TRABD2B: variants seen among roughly 807,000 people sequenced by gnomAD.
TRABD2B encodes metalloprotease TIKI2.
A neutral mutation model predicts 40.1 loss-of-function variants in TRABD2B; 14 were observed. The observed-to-expected ratio is 0.35, with a 90% CI of 0.23 to 0.55. The LOEUF (loss-of-function observed/expected upper bound fraction) is 0.55. Ranked by LOEUF, TRABD2B falls within the 20% of genes least tolerant of loss-of-function variation. The probability of loss-of-function intolerance (pLI) is 0.90; values close to 1 mark genes in which losing one functional copy is unlikely to be tolerated. For synonymous variants in TRABD2B, 263 were observed against 277.0 expected (o/e 0.95, Z 0.50); for missense variants, 541 against 648.6 (o/e 0.83, Z 1.80).
chr1:47,879,859 T>C (rs1332071674), intron 2 of TRABD2B, among the ~76,000 whole-genome samples: 1 of 152,230 alleles, frequency 6.6e-6, no homozygotes, highest in Non-Finnish European at 1.5e-5. Context: ...GGCTGAGATG[T>C]AGACAGGGAG....
At chr1:47,904,929 C>A (rs1644655875) in intron 2 of TRABD2B, among the ~76,000 whole-genome samples, 1 of 152,294 alleles carries the variant, frequency 6.6e-6, no homozygotes, top group South Asian at 2.1e-4. Flanking sequence ...GTATGCCTCC[C>A]TAAAAATTAA....
At chr1:47,791,813 A>C (rs6675571) in intron 4 of TRABD2B, among the ~76,000 whole-genome samples, 104,126 of 152,126 alleles carry the variant, frequency 0.68, 36,236 homozygotes, top group East Asian at 0.98. Flanking sequence ...TGTCAATAGG[A>C]TGACTCTGTA....
intron 2 of TRABD2B, among the ~76,000 whole-genome samples, chr1:47,864,983 C>T (rs1007642696): frequency 1.4e-5 from 2 of 147,008 alleles, no homozygotes; most frequent in Non-Finnish European, 3.0e-5. Flanking sequence ...TGGCTGGACA[C>T]CTGGCCTTGG....
intron 2 of TRABD2B, among the ~76,000 whole-genome samples, chr1:47,844,144 C>T (rs899838110): frequency 3.9e-5 from 6 of 152,142 alleles, no homozygotes; most frequent in Non-Finnish European, 5.9e-5. Context: ...ATCATGTCAC[C>T]GTCCCCTGCA....
intron 2 of TRABD2B, among the ~76,000 whole-genome samples, chr1:47,945,688 T>G (rs1410346791): frequency 6.6e-6 from 1 of 152,244 alleles, no homozygotes; most frequent in African/African-American, 2.4e-5. Flanking sequence ...CTTCTTTTCA[T>G]TCAGCACCAT....
At chr1:47,955,058 T>C (rs989193404) in intron 2 of TRABD2B, among the ~76,000 whole-genome samples, 1 of 152,128 alleles carries the variant, frequency 6.6e-6, no homozygotes, top group Non-Finnish European at 1.5e-5. Flanking sequence ...ATGGAATTCC[T>C]TTCTACCCAC....
chr1:47,955,090 T>G (rs1645399116), intron 2 of TRABD2B, among the ~76,000 whole-genome samples: 1 of 152,140 alleles, frequency 6.6e-6, no homozygotes, highest in Non-Finnish European at 1.5e-5. Flanking sequence ...TGGCCTCTCC[T>G]CCTAAACAGT....
intron 2 of TRABD2B, among the ~76,000 whole-genome samples, chr1:47,948,292 A>T (rs1645288181): frequency 6.6e-6 from 1 of 152,150 alleles, no homozygotes; most frequent in Non-Finnish European, 1.5e-5. Context: ...CAGACAGACC[A>T]GCTAAAGGCC....
chr1:47,975,905 G>T (rs140992776), intron 2 of TRABD2B, among the ~76,000 whole-genome samples: 2 of 152,146 alleles, frequency 1.3e-5, no homozygotes, highest in African/African-American at 4.8e-5. Context: ...AAGGACAGAG[G>T]GCACCCCAGG....
intron 5 of TRABD2B, among the ~76,000 whole-genome samples, chr1:47,776,271 G>A (rs1288124066): frequency 6.6e-6 from 1 of 152,200 alleles, no homozygotes; most frequent in South Asian, 2.1e-4. Context: ...CAGAGCTGGA[G>A]GTAGACTGAT....
chr1:47,892,964 A>G (rs1416878102), intron 2 of TRABD2B, among the ~76,000 whole-genome samples: 1 of 152,198 alleles, frequency 6.6e-6, no homozygotes, highest in Non-Finnish European at 1.5e-5. Flanking sequence ...AGGAAGAGGA[A>G]AAAAGGTAAG....
Position 47,847,287 on chromosome 1 carries a change from C to A in TRABD2B, c.667-45668G>T, listed in dbSNP as rs1356031397. Among the ~76,000 whole-genome samples the A allele has an allele frequency of 3.3e-5, 5 of 152,258 alleles. No individual in the cohort carries two copies. The South Asian group carries it at 8.3e-4, about 25-fold the overall frequency. On this transcript the variant is annotated intron_variant, in intron 2 of 6. Coordinates refer to ENST00000606738, the MANE Select transcript of TRABD2B (RefSeq NM_001194986.2). ...TATCTTCCATGGTGCGCTGCCACACCACCCCCTTCACAGGAAGGACTGGTC... is the reference window on the plus strand; with the variant it reads ...TATCTTCCATGGTGCGCTGCCACACAACCCCCTTCACAGGAAGGACTGGTC...
chr1:47,981,000 C>CTCTTT (rs1645833077), intron 2 of TRABD2B, among the ~76,000 whole-genome samples: 1 of 152,098 alleles, frequency 6.6e-6, no homozygotes, highest in Non-Finnish European at 1.5e-5. Context: ...GTCACATTCC[C>CTCTTT]TCTTTTCTTT....
At chr1:47,829,364 G>A (rs1197484928) in intron 2 of TRABD2B, among the ~76,000 whole-genome samples, 1 of 152,100 alleles carries the variant, frequency 6.6e-6, no homozygotes, top group Admixed American at 6.5e-5. Flanking sequence ...GAGCCCAAGT[G>A]TTTAGAAGCT....
intron 2 of TRABD2B, among the ~76,000 whole-genome samples, chr1:47,993,487 G>A (rs759167855): frequency 6.4e-4 from 98 of 152,292 alleles, no homozygotes; most frequent in Non-Finnish European, 1.2e-3. Flanking sequence ...GAGGCGGTCC[G>A]AGGGTCACCT....
chr1:47,965,814 T>C (rs1007480220), intron 2 of TRABD2B, among the ~76,000 whole-genome samples: 3 of 152,144 alleles, frequency 2.0e-5, no homozygotes, highest in African/African-American at 4.8e-5. Flanking sequence ...GCAAGGGTAC[T>C]CGAAGAAGGG....
chr1:47,903,829 T>C (rs1644638087), intron 2 of TRABD2B, among the ~76,000 whole-genome samples: 1 of 152,222 alleles, frequency 6.6e-6, no homozygotes, highest in Admixed American at 6.5e-5. Context: ...AAATATTTAT[T>C]GATCACATGT....
intron 2 of TRABD2B, among the ~76,000 whole-genome samples, chr1:47,882,333 C>T (rs1361573369): frequency 1.3e-5 from 2 of 152,188 alleles, no homozygotes; most frequent in Non-Finnish European, 2.9e-5. Context: ...CACTGCATCA[C>T]CCCCAGGATC....
At chr1:47,961,786 A>G (rs568891486) in intron 2 of TRABD2B, among the ~76,000 whole-genome samples, 1 of 152,358 alleles carries the variant, frequency 6.6e-6, no homozygotes, top group Admixed American at 6.5e-5. Flanking sequence ...TAGTTCAACC[A>G]CTGTGAAAGA....
Sources: gnomAD v4.1 joint callset for allele counts (sites outside exome capture counted in the v4.1 genomes callset) on GRCh38, gnomAD v4.1.1 for gene constraint, MANE v1.5 for transcripts, NCBI Gene and HGNC (gene_info 2026-07-23, HGNC 2026-07-21) for gene names.